The following NECTIN3 variants were observed in gnomAD, a reference collection of about 807,000 sequenced individuals.
NECTIN3 encodes nectin-3.
In NECTIN3, 8 loss-of-function variants were observed where a neutral mutation model predicts 49.4. The ratio of observed to expected loss-of-function variants is 0.16; its 90% CI spans 0.10 to 0.29. The LOEUF (loss-of-function observed/expected upper bound fraction) is 0.29. Among genes scored for constraint, NECTIN3 ranks in the 10% least tolerant of loss-of-function variants. The probability of loss-of-function intolerance (pLI) is 1.00; values close to 1 mark genes in which losing one functional copy is unlikely to be tolerated. For missense variants in NECTIN3, 581 were observed against 654.6 expected (o/e 0.89, Z 1.23); for synonymous variants, 277 against 241.1 (o/e 1.15, Z -1.38).
intron 1 of NECTIN3, among the ~76,000 whole-genome samples, chr3:111,105,053 T>C (rs1343341231): frequency 1.3e-5 from 2 of 152,232 alleles, no homozygotes; most frequent in Admixed American, 6.5e-5. Context: ...TTTACAGTTC[T>C]AACTGTACAG....
chr3:111,164,103 A>G (rs1323628735), intron 7 of NECTIN3, among the ~76,000 whole-genome samples: 1 of 152,178 alleles, frequency 6.6e-6, no homozygotes, highest in Non-Finnish European at 1.5e-5. Context: ...TATATTGACA[A>G]TCAAATGTTT....
intron 4 of NECTIN3, among the ~76,000 whole-genome samples, chr3:111,124,542 G>A (rs1250124225): frequency 3.3e-5 from 5 of 152,140 alleles, no homozygotes; most frequent in Non-Finnish European, 2.9e-5. Flanking sequence ...TTTGAAAGCC[G>A]ATACTTGCAA....
At chr3:111,167,874 C>CT (rs940901886) in intron 7 of NECTIN3, among the ~76,000 whole-genome samples, 17 of 151,582 alleles carry the variant, frequency 1.1e-4, no homozygotes, top group African/African-American at 1.5e-4. Context: ...AGGCAACTCA[C>CT]TTTTTTTTTC....
intron 1 of NECTIN3, among the ~76,000 whole-genome samples, chr3:111,077,722 G>C (rs1559762521): frequency 6.6e-6 from 1 of 152,088 alleles, no homozygotes; most frequent in Non-Finnish European, 1.5e-5. Context: ...TTTCATTTAT[G>C]ATTTGACCAA....
intron 5 of NECTIN3, among the ~76,000 whole-genome samples, chr3:111,144,483 A>T (rs925479467): frequency 2.3e-4 from 35 of 151,820 alleles, no homozygotes; most frequent in Admixed American, 1.2e-3. Context: ...TTGTTAATAA[A>T]TTTTTTTATT....
At position 111,136,962 on chromosome 3, in the gene NECTIN3, T is replaced by C; in HGVS notation, c.*2747T>C. ...TTACCACGTGCCTAGTAGGGTTCTA[T>C]TTGCTAACTCTAATATTGAGGAAAC... On this transcript the variant is annotated 3_prime_UTR_variant, in exon 6 of 6. Coordinates refer to ENST00000485303, the MANE Select transcript of NECTIN3 (RefSeq NM_015480.3). 1 of 976,304 alleles carries C rather than the reference T, an allele frequency of 1.0e-6. No homozygotes were observed. Among genetic ancestry groups the C allele is most frequent in the Non-Finnish European group, 1.2e-6 (1 of 821,806 alleles). The allele number at this position is 976,304 out of a possible 1,614,324, so 60.5% of individuals were successfully genotyped here. A position where few individuals can be genotyped will look rare whatever the true frequency, so the allele number is the denominator to read the frequency against.
chr3:111,144,798 A>G (rs2034834055), intron 5 of NECTIN3: 2 of 1,324,538 alleles, frequency 1.5e-6, no homozygotes, highest in African/African-American at 3.0e-5. Context: ...CTCTTGGATA[A>G]CATACTTCAG....
chr3:111,179,290 T>G (rs939603543), intron 7 of NECTIN3, among the ~76,000 whole-genome samples: 2 of 152,174 alleles, frequency 1.3e-5, no homozygotes, highest in Non-Finnish European at 2.9e-5. Flanking sequence ...ATCCCTGCCC[T>G]GTTCTTTGCA....
rs868672450 is a variant in NECTIN3, at chr3:111,134,987, C to A, written c.*772C>A. The stretch of plus-strand genomic sequence containing the variant: ...ATGATAATTATTAGTTTTTTTTTTT[C>A]CTTTCTGGAACATGGATTTTGGTAC... On this transcript the variant is annotated 3_prime_UTR_variant, in exon 6 of 6. Coordinates refer to ENST00000485303, the MANE Select transcript of NECTIN3 (RefSeq NM_015480.3). 1 of 953,336 alleles carries A rather than the reference C, an allele frequency of 1.0e-6. No homozygotes were observed. Among genetic ancestry groups the A allele is most frequent in the Admixed American group, 6.3e-5 (1 of 15,846 alleles). The allele number at this position is 953,336 out of a possible 1,614,324, so 59.1% of individuals were successfully genotyped here.
intron 7 of NECTIN3, among the ~76,000 whole-genome samples, chr3:111,173,433 T>A (rs971335957): frequency 6.6e-6 from 1 of 152,208 alleles, no homozygotes; most frequent in Non-Finnish European, 1.5e-5. Context: ...ATGGCAGTCC[T>A]ATACCTTCTG....
intron 1 of NECTIN3, among the ~76,000 whole-genome samples, chr3:111,108,324 C>A (rs2033300148): frequency 6.6e-6 from 1 of 150,604 alleles, no homozygotes; most frequent in Non-Finnish European, 1.5e-5. Context: ...TCTGTCTCTG[C>A]TGTCATGCTG....
In NECTIN3 at chr3:111,136,599, C is replaced by G; in HGVS notation, c.*2384C>G. 3 of 926,364 alleles carry G rather than the reference C, an allele frequency of 3.2e-6. No homozygotes were observed. Among genetic ancestry groups the G allele is most frequent in the Non-Finnish European group, 2.6e-6 (2 of 776,524 alleles). The allele number at this position is 926,364 out of a possible 1,614,324, so 57.4% of individuals were successfully genotyped here. ...AACATGAATAGTCATTAAATAAAGACATTGTTAAATTAGTTTTTGAATACC... is the reference window on the plus strand; with the variant it reads ...AACATGAATAGTCATTAAATAAAGAGATTGTTAAATTAGTTTTTGAATACC... On this transcript the variant is annotated 3_prime_UTR_variant, in exon 6 of 6. Coordinates refer to ENST00000485303, the MANE Select transcript of NECTIN3 (RefSeq NM_015480.3).
At chr3:111,145,655 T>A (rs1211568520) in intron 6 of NECTIN3, among the ~76,000 whole-genome samples, 1 of 152,228 alleles carries the variant, frequency 6.6e-6, no homozygotes, top group Non-Finnish European at 1.5e-5. Flanking sequence ...ACAGCTTTGT[T>A]GCTTCATCTG....
chr3:111,095,994 G>A (rs546776215), intron 1 of NECTIN3, among the ~76,000 whole-genome samples: 5 of 152,352 alleles, frequency 3.3e-5, no homozygotes, highest in East Asian at 3.9e-4. Flanking sequence ...ACATGTGGAA[G>A]TGACTTTGGA....
intron 5 of NECTIN3, among the ~76,000 whole-genome samples, chr3:111,126,924 AT>A (rs2034184453): frequency 6.6e-6 from 1 of 152,154 alleles, no homozygotes; most frequent in South Asian, 2.1e-4. Flanking sequence ...CACTTTGAAT[AT>A]TTTTGTTAAT....
chr3:111,089,749 C>T (rs2032148050), intron 1 of NECTIN3, among the ~76,000 whole-genome samples: 1 of 151,948 alleles, frequency 6.6e-6, no homozygotes, highest in African/African-American at 2.4e-5. Context: ...GTTCTCTCTC[C>T]ATGTATGTAT....
chr3:111,121,888 CAA>C (rs1576130049), intron 3 of NECTIN3, among the ~76,000 whole-genome samples: 1 of 152,056 alleles, frequency 6.6e-6, no homozygotes, highest in African/African-American at 2.4e-5. Flanking sequence ...TCTAATTACT[CAA>C]ACTGTATGTA....
intron 5 of NECTIN3, among the ~76,000 whole-genome samples, chr3:111,144,549 A>G (rs1227974990): frequency 1.3e-5 from 2 of 151,998 alleles, no homozygotes; most frequent in African/African-American, 4.8e-5. Context: ...ATTAGAGAAT[A>G]TTGATTTTTA....
At chr3:111,186,672 TTAAAA>T (rs2035725721) in intron 7 of NECTIN3, among the ~76,000 whole-genome samples, 1 of 152,114 alleles carries the variant, frequency 6.6e-6, no homozygotes, top group Non-Finnish European at 1.5e-5. Flanking sequence ...ACCCCTGAAC[TTAAAA>T]TAAAAGTTAA....
Sources: gnomAD v4.1 joint callset for allele counts (sites outside exome capture counted in the v4.1 genomes callset) on GRCh38, gnomAD v4.1.1 for gene constraint, MANE v1.5 for transcripts, NCBI Gene and HGNC (gene_info 2026-07-23, HGNC 2026-07-21) for gene names.